Variants in PARD3B observed in about 807,000 individuals in gnomAD.
PARD3B encodes the protein par-3 family cell polarity regulator beta.
Under a neutral mutation model 130.2 loss-of-function variants are expected in PARD3B, and 103 were observed. The ratio of observed to expected loss-of-function variants is 0.79; its 90% CI spans 0.67 to 0.93. The LOEUF (loss-of-function observed/expected upper bound fraction) is 0.93, where lower values mean the gene tolerates loss of function less well. Ranked by LOEUF, PARD3B falls within the 40% of genes least tolerant of loss-of-function variation. The pLI is 0.00. For synonymous variants in PARD3B, 583 were observed against 553.2 expected (o/e 1.05, Z -0.76); for missense variants, 1,609 against 1,499.2 (o/e 1.07, Z -1.21).
intron 1 of PARD3B, among the ~76,000 whole-genome samples, chr2:204,601,543 T>A (rs1476788620): frequency 1.3e-5 from 2 of 152,014 alleles, no homozygotes; most frequent in Admixed American, 6.6e-5. Flanking sequence ...ATGATATTTT[T>A]AAAATAAATA....
intron 2 of PARD3B, among the ~76,000 whole-genome samples, chr2:204,862,153 G>T (rs921543679): frequency 5.3e-5 from 8 of 152,024 alleles, no homozygotes; most frequent in Admixed American, 5.2e-4. Flanking sequence ...TTTAGTCTAC[G>T]TATGATATCC....
At chr2:204,798,204 C>G (rs530882618) in intron 2 of PARD3B, among the ~76,000 whole-genome samples, 1 of 152,138 alleles carries the variant, frequency 6.6e-6, no homozygotes, top group Non-Finnish European at 1.5e-5. Context: ...CCCCAGCAGC[C>G]GCTGCTTGGC....
chr2:204,627,215 A>AAAT (rs1245635467), intron 1 of PARD3B, among the ~76,000 whole-genome samples: 1 of 152,158 alleles, frequency 6.6e-6, no homozygotes, highest in Non-Finnish European at 1.5e-5. Flanking sequence ...TTTCCTTTAT[A>AAAT]AATTACCTAG....
intron 20 of PARD3B, among the ~76,000 whole-genome samples, chr2:205,482,038 C>T (rs1396892536): frequency 1.3e-5 from 2 of 152,104 alleles, no homozygotes; most frequent in African/African-American, 2.4e-5. Context: ...CTCATGCAGG[C>T]GGGCTCTGTT....
intron 18 of PARD3B, among the ~76,000 whole-genome samples, chr2:205,376,128 T>C (rs1216978738): frequency 6.6e-6 from 1 of 152,178 alleles, no homozygotes; most frequent in Non-Finnish European, 1.5e-5. Flanking sequence ...TTATCCCATT[T>C]AACTTTCCAT....
At chr2:205,435,854 ATTT>A (rs2047495652) in intron 19 of PARD3B, among the ~76,000 whole-genome samples, 1 of 152,084 alleles carries the variant, frequency 6.6e-6, no homozygotes, top group Non-Finnish European at 1.5e-5. Flanking sequence ...TTAGTTTTAT[ATTT>A]AAATGAATGT....
At chr2:205,138,978 C>T (rs542260316) in intron 10 of PARD3B, among the ~76,000 whole-genome samples, 1 of 152,214 alleles carries the variant, frequency 6.6e-6, no homozygotes, top group Non-Finnish European at 1.5e-5. Context: ...TAAGGGACTT[C>T]ACTCCCATAG....
rs1259699276 is a variant in PARD3B, at chr2:204,890,230, G to A, written c.223-74922G>A. Among the ~76,000 whole-genome samples, 2 of 152,176 alleles carry A rather than the reference G, an allele frequency of 1.3e-5. No homozygotes were observed. The highest frequency in any genetic ancestry group is 2.9e-5 in the Non-Finnish European group (2 of 68,034). On this transcript the variant is annotated intron_variant, in intron 2 of 22. Transcript: ENST00000406610. This position sits in a 1 kb window ranked among gnomAD's most constrained non-coding sequence, Gnocchi z 4.9. ...GCTGTGGTGGCCCTAGTGTGTACAG[G>A]AAGGTATGCTTTGGTTCAGAACTGC...
intron 18 of PARD3B, among the ~76,000 whole-genome samples, chr2:205,303,454 C>T (rs1540367): frequency 0.6 from 91,037 of 151,954 alleles, 29,225 homozygotes; most frequent in South Asian, 0.76. Context: ...CTTACCCCGG[C>T]TGGTAGACTT....
rs1485372805 is a variant in PARD3B at position 205,047,702 on chromosome 2, G to A, written c.504+12G>A. 9 of 1,502,862 alleles carry A rather than the reference G, an allele frequency of 6.0e-6. No individual in the cohort carries two copies. Among genetic ancestry groups the A allele is most frequent in the Non-Finnish European group, 8.2e-6 (9 of 1,103,330 alleles). 93.1% of individuals were successfully genotyped at this position (1,502,862 alleles called of 1,614,324 possible). ...AACTGGTTGTTCCAGTAGGTATCCT[G>A]CTGCTTGTAGTTCTAATGAAAGATC... On this transcript the variant is annotated intron_variant, in intron 4 of 22. Transcript: ENST00000406610.
chr2:204,929,817 T>C lies in PARD3B; in HGVS notation c.223-35335T>C, dbSNP rs1271404283. Among the ~76,000 whole-genome samples the C allele has an allele frequency of 2.6e-5, 4 of 152,028 alleles. No homozygotes were observed. The East Asian group carries it at 7.7e-4, about 29-fold the overall frequency. On this transcript the variant is annotated intron_variant, in intron 2 of 22. Transcript: ENST00000406610. ...ATTTCATTTAAAAAAGATGCTACTA[T>C]TTAGACCACTCCAGACAATTTAAGT... is the stretch of plus-strand genomic sequence containing the variant.
Position 205,222,992 on chromosome 2 carries a change from G to GA in PARD3B, c.2141-22783dup, listed in dbSNP as rs567088775. Among the ~76,000 whole-genome samples, 231 of 152,300 alleles carry GA rather than the reference G, an allele frequency of 1.5e-3. 1 individual carries two copies. The highest frequency in any genetic ancestry group is 5.3e-3 in the African/African-American group (220 of 41,556). On this transcript the variant is annotated intron_variant, in intron 15 of 22. Transcript: ENST00000406610. Reference sequence around the variant, plus strand: ...CCATAAATCAGTGTAGTACAGAGTAGAAAGTGGTACGTATTCTTGGAGGAA... The same window carrying GA: ...CCATAAATCAGTGTAGTACAGAGTAGAAAAGTGGTACGTATTCTTGGAGGAA...
intron 2 of PARD3B, among the ~76,000 whole-genome samples, chr2:204,916,943 T>G (rs150936225): frequency 6.6e-6 from 1 of 152,298 alleles, no homozygotes; most frequent in African/African-American, 2.4e-5. Flanking sequence ...CATAGAACAA[T>G]GAATGAAATG....
chr2:205,240,244 A>G (rs2039293318), intron 15 of PARD3B, among the ~76,000 whole-genome samples: 1 of 152,206 alleles, frequency 6.6e-6, no homozygotes, highest in Non-Finnish European at 1.5e-5. Context: ...ATTGGCAACT[A>G]CATCAATTTT....
At chr2:204,749,802 A>G (rs1208572230) in intron 2 of PARD3B, among the ~76,000 whole-genome samples, 2 of 152,202 alleles carry the variant, frequency 1.3e-5, no homozygotes, top group Non-Finnish European at 2.9e-5. Flanking sequence ...CAGAACATCA[A>G]TATTAATTTG....
chr2:205,485,569 A>G (rs749110109), intron 20 of PARD3B, among the ~76,000 whole-genome samples: 36 of 152,198 alleles, frequency 2.4e-4, no homozygotes, highest in Non-Finnish European at 1.2e-4. Context: ...ACAGAGAGCT[A>G]GCGTCTCCCA....
At chr2:205,082,034 T>C (rs1701446752) in intron 4 of PARD3B, among the ~76,000 whole-genome samples, 1 of 152,184 alleles carries the variant, frequency 6.6e-6, no homozygotes, top group South Asian at 2.1e-4. Context: ...AAATATATAT[T>C]CGATTTCTTC....
chr2:204,677,905 T>G lies in PARD3B; in HGVS notation c.121-8276T>G, dbSNP rs2036627512. On this transcript the variant is annotated intron_variant, in intron 1 of 22. Transcript: ENST00000406610. This position sits in a 1 kb window ranked among gnomAD's most constrained non-coding sequence, Gnocchi z 4.1. ...TCTTCTGAGGAAACTAGACTTACTC[T>G]GAACAGCTTTTTGGTGGTCTTCATT... is the stretch of plus-strand genomic sequence containing the variant. 6.6e-6 allele frequency among the ~76,000 whole-genome samples: 1 copy of G among 152,252 alleles called. No individual in the cohort carries two copies. The highest frequency in any genetic ancestry group is 2.1e-4 in the South Asian group (1 of 4,836).
intron 3 of PARD3B, among the ~76,000 whole-genome samples, chr2:205,027,529 AT>A (rs912570204): frequency 6.0e-5 from 9 of 150,692 alleles, no homozygotes; most frequent in East Asian, 2.0e-4. Flanking sequence ...CATTTTGTGG[AT>A]TTTTTTTTCC....
Sources: allele counts gnomAD v4.1 joint callset (sites outside exome capture counted in the v4.1 genomes callset), GRCh38; gene constraint gnomAD v4.1.1; non-coding constraint Gnocchi (gnomAD v3.1); transcripts MANE v1.5; gene names NCBI Gene and HGNC (gene_info 2026-07-23, HGNC 2026-07-21).